RNF150: variants seen among roughly 807,000 people sequenced by gnomAD.
The protein encoded by RNF150 is ring finger protein 150.
A neutral mutation model predicts 39.3 loss-of-function variants in RNF150; 24 were observed. The observed-to-expected ratio is 0.61, with a 90% CI of 0.44 to 0.86. The LOEUF is 0.86. Among genes scored for constraint, RNF150 ranks in the 40% least tolerant of loss-of-function variants. The pLI is 0.00. For missense variants in RNF150, 502 were observed against 587.8 expected, an observed-to-expected ratio of 0.85 and a Z score of 1.51; for synonymous variants, 255 against 227.3, an observed-to-expected ratio of 1.12 and a Z score of -1.10.
intron 1 of RNF150, among the ~76,000 whole-genome samples, chr4:141,205,057 A>G (rs1295648879): frequency 6.6e-6 from 1 of 152,216 alleles, no homozygotes; most frequent in South Asian, 2.1e-4. Flanking sequence ...AAATATTGAC[A>G]CGCTTTTTAA....
At chr4:140,963,192 C>A (rs1471261325) in intron 2 of RNF150, among the ~76,000 whole-genome samples, 2 of 151,810 alleles carry the variant, frequency 1.3e-5, no homozygotes, top group Admixed American at 6.6e-5. Context: ...TAAACATTGT[C>A]CCAGAAGCTA....
chr4:141,126,766 A>G (rs1443083516), intron 1 of RNF150, among the ~76,000 whole-genome samples: 2 of 152,206 alleles, frequency 1.3e-5, no homozygotes, highest in Non-Finnish European at 1.5e-5. Flanking sequence ...AAATACATAA[A>G]GAATAAATTT....
chr4:141,070,621 A>G (rs1425644684), intron 1 of RNF150, among the ~76,000 whole-genome samples: 1 of 150,754 alleles, frequency 6.6e-6, no homozygotes, highest in Non-Finnish European at 1.5e-5. Flanking sequence ...GCCAAAAAAC[A>G]CATGAAAAAA....
intron 6 of RNF150, among the ~76,000 whole-genome samples, chr4:140,892,911 C>T (rs886582278): frequency 4.6e-5 from 7 of 151,682 alleles, no homozygotes; most frequent in Non-Finnish European, 1.0e-4. Context: ...AAAAAATAAG[C>T]TAAAAGATTA....
intron 6 of RNF150, among the ~76,000 whole-genome samples, chr4:140,910,593 TG>T (rs147753819): frequency 0.099 from 15,045 of 152,230 alleles, 844 homozygotes; most frequent in Admixed American, 0.14. Flanking sequence ...CTTGCAGATA[TG>T]GCCATCTAAA....
intron 2 of RNF150, among the ~76,000 whole-genome samples, chr4:140,960,849 T>C (rs1216378392): frequency 6.6e-6 from 1 of 152,118 alleles, no homozygotes; most frequent in African/African-American, 2.4e-5. Context: ...GGGGAATATA[T>C]TTTCCAAGAA....
intron 1 of RNF150, among the ~76,000 whole-genome samples, chr4:141,000,038 G>GAAAAGAAGAAAAGAAGAA (rs1560679160): frequency 1.1e-4 from 6 of 54,430 alleles, no homozygotes; most frequent in Non-Finnish European, 2.4e-4. Flanking sequence ...AGAAGAAGAA[G>GAAAAGAAGAAAAGAAGAA]AAGAAGAAGA....
intron 1 of RNF150, among the ~76,000 whole-genome samples, chr4:141,109,738 A>G (rs994233241): frequency 6.6e-6 from 1 of 152,176 alleles, no homozygotes; most frequent in Non-Finnish European, 1.5e-5. Context: ...CCTCCCAGTA[A>G]CTACAATAAA....
At chr4:141,138,430 A>T (rs951962717), upstream of RNF150, among the ~76,000 whole-genome samples, 1 of 152,212 alleles carries the variant, frequency 6.6e-6, no homozygotes, top group East Asian at 1.9e-4. Context: ...ACTCTTCAAA[A>T]TATATTCCAC....
In RNF150 at chr4:140,901,418, T is replaced by G. The variant is rs182183247; in HGVS notation, c.1198+9726A>C. On this transcript the variant is annotated intron_variant, in intron 6 of 6. Transcript: ENST00000515673. ...ACACAGGGGTAGGGTCATACTATCG[T>G]TCTGGAGAAACTGGCTATACAGAGA... 7.2e-5 allele frequency among the ~76,000 whole-genome samples: 11 copies of G among 152,308 alleles called. No individual in the cohort carries two copies. In the East Asian group the frequency reaches 2.1e-3, roughly 29 times the overall value.
intron 6 of RNF150, among the ~76,000 whole-genome samples, chr4:140,902,416 T>A (rs1730219811): frequency 6.6e-6 from 1 of 152,236 alleles, no homozygotes. Context: ...TACAATTTGG[T>A]ACACATTTTC....
intron 1 of RNF150, among the ~76,000 whole-genome samples, chr4:141,121,863 T>C (rs1161047441): frequency 6.6e-6 from 1 of 152,150 alleles, no homozygotes; most frequent in Non-Finnish European, 1.5e-5. Context: ...GTATAAGAAC[T>C]TGAGGGAGAT....
At chr4:141,035,296 G>T (rs1379952751) in intron 1 of RNF150, among the ~76,000 whole-genome samples, 1 of 152,116 alleles carries the variant, frequency 6.6e-6, no homozygotes, top group African/African-American at 2.4e-5. Flanking sequence ...CTGCTGGTGT[G>T]AGCCAGAATG....
chr4:140,878,675 G>C (rs989125621), intron 6 of RNF150, among the ~76,000 whole-genome samples: 1 of 152,066 alleles, frequency 6.6e-6, no homozygotes, highest in Non-Finnish European at 1.5e-5. Flanking sequence ...CAAATATATG[G>C]TTTGCAAATA....
intron 1 of RNF150, among the ~76,000 whole-genome samples, chr4:141,127,467 C>A (rs1470825499): frequency 6.6e-6 from 1 of 152,168 alleles, no homozygotes; most frequent in Non-Finnish European, 1.5e-5. Context: ...ATTAAAGCAG[C>A]TAGGTCCTTT....
At chr4:141,065,210 T>C (rs1737404842) in intron 1 of RNF150, among the ~76,000 whole-genome samples, 1 of 152,176 alleles carries the variant, frequency 6.6e-6, no homozygotes. Flanking sequence ...GGGCTTGATG[T>C]CTCCAGATCA....
At position 140,871,000 on chromosome 4, in the gene RNF150, C is replaced by A. The variant is rs567618994; in HGVS notation, c.1199-2621G>T. 6.1e-3 allele frequency among the ~76,000 whole-genome samples: 889 copies of A among 144,598 alleles called. 7 individuals are homozygous for A. Among genetic ancestry groups the A allele is most frequent in the East Asian group, 0.015 (74 of 5,028 alleles). The allele number at this position is 144,598 out of a possible 152,430, so 94.9% of individuals were successfully genotyped here. On this transcript the variant is annotated intron_variant, in intron 6 of 6. Transcript: ENST00000515673. ...AAGAATTCTCTCTCTCTCTCTCTCT[C>A]TCTATATATATATATATGTATACAC...
At chr4:140,937,922 C>T (rs1017698386) in intron 4 of RNF150, among the ~76,000 whole-genome samples, 2 of 151,914 alleles carry the variant, frequency 1.3e-5, no homozygotes, top group South Asian at 2.1e-4. Flanking sequence ...TAATTTCTGT[C>T]GCTCTTTTCA....
chr4:141,085,519 T>G (rs1185107944), intron 1 of RNF150, among the ~76,000 whole-genome samples: 3 of 152,224 alleles, frequency 2.0e-5, no homozygotes, highest in African/African-American at 7.2e-5. Flanking sequence ...CTGCCTGACA[T>G]GTGAGTGAAG....
Sources: gnomAD v4.1 joint callset for allele counts (sites outside exome capture counted in the v4.1 genomes callset) on GRCh38, gnomAD v4.1.1 for gene constraint, MANE v1.5 for transcripts, NCBI Gene and HGNC (gene_info 2026-07-23, HGNC 2026-07-21) for gene names.